Variants in RBFOX1 observed in about 807,000 individuals in gnomAD.
RBFOX1 encodes RNA binding fox-1 homolog 1.
In RBFOX1, 8 loss-of-function variants were observed where a neutral mutation model predicts 57.7. That is an observed-to-expected ratio of 0.14 (90% CI 0.08 to 0.25). The LOEUF is 0.25. RBFOX1 is among the 10% of genes least tolerant of loss of function. The pLI is 1.00. For missense variants in RBFOX1, 611 were observed against 548.5 expected (o/e 1.11, Z -1.14); for synonymous variants, 326 against 222.4 (o/e 1.47, Z -4.15).
intron 2 of RBFOX1, among the ~76,000 whole-genome samples, chr16:6,355,022 G>T (rs998537393): frequency 2.0e-5 from 3 of 152,148 alleles, no homozygotes; most frequent in African/African-American, 7.2e-5. Flanking sequence ...GGACATAGGA[G>T]CCTGACTTCC....
At position 7,033,329 on chromosome 16, in the gene RBFOX1, G is replaced by C. The variant is rs942123911; in HGVS notation, c.-15-18728G>C. Among the ~76,000 whole-genome samples, 8 of 152,196 alleles carry C rather than the reference G, an allele frequency of 5.3e-5. No individual in the cohort carries two copies. In the East Asian group the frequency reaches 1.5e-3, roughly 29 times the overall value. ...GAGGCCAGGAGTTTGAGACCAGCCTGGCTGACATGGTGAAACCCCGTCTCT... is the reference window on the plus strand; with the variant it reads ...GAGGCCAGGAGTTTGAGACCAGCCTCGCTGACATGGTGAAACCCCGTCTCT... On this transcript the variant is annotated intron_variant, in intron 3 of 15. Transcript: ENST00000550418.
At chr16:5,536,570 C>A (rs555613790) in intron 2 of RBFOX1, among the ~76,000 whole-genome samples, 1 of 152,012 alleles carries the variant, frequency 6.6e-6, no homozygotes, top group Non-Finnish European at 1.5e-5. Flanking sequence ...CAAAGAAAGC[C>A]GATCACTGAG....
intron 3 of RBFOX1, among the ~76,000 whole-genome samples, chr16:6,757,018 C>T (rs550356090): frequency 1.5e-4 from 17 of 116,168 alleles, no homozygotes; most frequent in African/African-American, 4.0e-4. Flanking sequence ...AAACAAAAAA[C>T]ATACAAATGG....
intron 2 of RBFOX1, among the ~76,000 whole-genome samples, chr16:6,619,733 G>T (rs1317168904): frequency 1.4e-5 from 2 of 138,432 alleles, no homozygotes; most frequent in East Asian, 2.1e-4. Flanking sequence ...TAAACTCAAG[G>T]TTACAAATGT....
chr16:6,951,210 C>G (rs753762902), intron 3 of RBFOX1, among the ~76,000 whole-genome samples: 1 of 151,986 alleles, frequency 6.6e-6, no homozygotes, highest in Non-Finnish European at 1.5e-5. Context: ...CCCTGCCTAA[C>G]TTTTTTTTCT....
rs1359189389 is a variant in RBFOX1 at position 7,070,333 on chromosome 16, A to G, written c.27+18235A>G. Among the ~76,000 whole-genome samples, 6 of 152,200 alleles carry G rather than the reference A, an allele frequency of 3.9e-5. No homozygotes were observed. The East Asian group carries it at 9.6e-4, about 24-fold the overall frequency. ...TTTAACAATATAGATGCTTTCCTGG[A>G]TAGAGAACATGGAGGCATGATTTTG... On this transcript the variant is annotated intron_variant, in intron 4 of 15. Coordinates refer to ENST00000550418, the MANE Select transcript of RBFOX1 (RefSeq NM_018723.4).
At position 7,107,049 on chromosome 16, in the gene RBFOX1, A is replaced by T. The variant is rs190313425; in HGVS notation, c.27+54951A>T. On this transcript the variant is annotated intron_variant, in intron 4 of 15. Coordinates refer to ENST00000550418, the MANE Select transcript of RBFOX1 (RefSeq NM_018723.4). ...ATAATTGCAGCCTGTGGTAAGTGCT[A>T]TGATGTCAGGAAATACTTCTATAAG... Among the ~76,000 whole-genome samples the T allele has an allele frequency of 2.6e-5, 4 of 152,006 alleles. No homozygotes were observed. The East Asian group carries it at 7.7e-4, about 29-fold the overall frequency.
intron 2 of RBFOX1, among the ~76,000 whole-genome samples, chr16:5,490,391 A>G (rs1263918521): frequency 6.6e-6 from 1 of 152,226 alleles, no homozygotes; most frequent in African/African-American, 2.4e-5. Flanking sequence ...ACCTGGAACC[A>G]GGACTTGAAC....
intron 1 of RBFOX1, among the ~76,000 whole-genome samples, chr16:6,112,475 G>C (rs1358361621): frequency 6.6e-6 from 1 of 152,198 alleles, no homozygotes; most frequent in African/African-American, 2.4e-5. Context: ...CGGATCACCT[G>C]AGGTTGGGAG....
At chr16:7,563,243 A>C (rs955558221) in intron 5 of RBFOX1, among the ~76,000 whole-genome samples, 3 of 152,212 alleles carry the variant, frequency 2.0e-5, no homozygotes, top group African/African-American at 7.2e-5. Flanking sequence ...GGTTATTATA[A>C]TAATCATGGT....
intron 10 of RBFOX1, among the ~76,000 whole-genome samples, chr16:7,622,437 G>A (rs1348918067): frequency 6.6e-6 from 1 of 152,124 alleles, no homozygotes; most frequent in Non-Finnish European, 1.5e-5. Context: ...TCCTGTCAAT[G>A]CCACTATTAG....
chr16:6,630,275 C>G (rs1333733648), intron 2 of RBFOX1, among the ~76,000 whole-genome samples: 1 of 152,072 alleles, frequency 6.6e-6, no homozygotes, highest in Non-Finnish European at 1.5e-5. Flanking sequence ...CTCTTCTGCC[C>G]ACACCCAAGG....
At chr16:5,369,408 A>G (rs554508335) in intron 1 of RBFOX1, among the ~76,000 whole-genome samples, 26 of 152,374 alleles carry the variant, frequency 1.7e-4, no homozygotes, top group Admixed American at 7.2e-4. Flanking sequence ...ACCAGCACTG[A>G]CAGACATAGT....
chr16:6,480,737 A>AT (rs774609970), intron 2 of RBFOX1, among the ~76,000 whole-genome samples: 3 of 152,134 alleles, frequency 2.0e-5, no homozygotes, highest in Non-Finnish European at 4.4e-5. Context: ...TAAAACTTGT[A>AT]TTTTTATCTC....
At chr16:6,164,946 T>G (rs913688021) in intron 1 of RBFOX1, among the ~76,000 whole-genome samples, 2 of 152,154 alleles carry the variant, frequency 1.3e-5, no homozygotes, top group Non-Finnish European at 2.9e-5. Context: ...GGGGGGAAAG[T>G]GTGCAGTTCA....
chr16:7,437,178 A>G (rs2098728853), intron 4 of RBFOX1, among the ~76,000 whole-genome samples: 1 of 152,120 alleles, frequency 6.6e-6, no homozygotes, highest in Non-Finnish European at 1.5e-5. Flanking sequence ...ATACTGTGCT[A>G]GTAGAATTTT....
intron 4 of RBFOX1, among the ~76,000 whole-genome samples, chr16:7,457,144 C>G (rs981279779): frequency 2.0e-5 from 3 of 152,094 alleles, no homozygotes; most frequent in African/African-American, 7.2e-5. Context: ...GCCTCAGCCT[C>G]CCAAAGTGCT....
intron 2 of RBFOX1, among the ~76,000 whole-genome samples, chr16:6,585,372 A>G (rs1045553949): frequency 6.6e-6 from 1 of 152,082 alleles, no homozygotes; most frequent in Admixed American, 6.6e-5. Context: ...AAAACTTTGA[A>G]ATCATCTCTT....
chr16:5,256,772 A>C (rs760037720), intron 1 of RBFOX1, among the ~76,000 whole-genome samples: 4 of 151,956 alleles, frequency 2.6e-5, no homozygotes, highest in Non-Finnish European at 5.9e-5. Context: ...TGCCTCTTCT[A>C]AAAGTACAAA....
Sources: allele counts gnomAD v4.1 joint callset (sites outside exome capture counted in the v4.1 genomes callset), GRCh38; gene constraint gnomAD v4.1.1; transcripts MANE v1.5; gene names NCBI Gene and HGNC (gene_info 2026-07-23, HGNC 2026-07-21).